RUNX2: variants seen among roughly 807,000 people sequenced by gnomAD.
RUNX2 encodes runt-related transcription factor 2.
Under a neutral mutation model 51.7 loss-of-function variants are expected in RUNX2, and 10 were observed. The observed-to-expected ratio is 0.19, with a 90% confidence interval of 0.12 to 0.33. RUNX2 has a LOEUF of 0.33. Among genes scored for constraint, RUNX2 ranks in the 10% least tolerant of loss-of-function variants. The pLI is 1.00. For synonymous variants in RUNX2, 276 were observed against 273.6 expected (o/e 1.01, Z -0.09); for missense variants, 562 against 691.3 (o/e 0.81, Z 2.10).
In RUNX2 at chr6:45,422,708, ACAGCAGCAGCAGCAGCAGCAACAG is replaced by A. The variant is rs765421673; in HGVS notation, c.190_213del (p.Gln64_Gln71del). 3 of 1,583,380 alleles carry A rather than the reference ACAGCAGCAGCAGCAGCAGCAACAG, an allele frequency of 1.9e-6. No homozygotes were observed. Among genetic ancestry groups the A allele is most frequent in the Admixed American group, 3.5e-5 (2 of 57,744 alleles). On this transcript the variant is annotated inframe_deletion, in exon 3 of 9. Coordinates refer to ENST00000647337, the MANE Select transcript of RUNX2 (RefSeq NM_001024630.4). ...AGCAGCAGCAACAGCAGCAGCAGCA[ACAGCAGCAGCAGCAGCAGCAACAG>A]CAGCAGCAGCAGCAGGAGGCGGCGG...
At chr6:45,461,002 G>T (rs1799461313) in intron 5 of RUNX2, among the ~76,000 whole-genome samples, 1 of 152,170 alleles carries the variant, frequency 6.6e-6, no homozygotes, top group Admixed American at 6.5e-5. Flanking sequence ...GAGGAAATTA[G>T]GTCCTGAAGA....
intron 7 of RUNX2, 115 bp from the exon 8 acceptor site, chr6:45,545,102 A>G: frequency 2.4e-6 from 2 of 839,168 alleles, no homozygotes; most frequent in East Asian, 5.3e-5. Context: ...AGGGATGGGA[A>G]CCTCTCTGTC....
intron 5 of RUNX2, among the ~76,000 whole-genome samples, chr6:45,451,993 A>G (rs906684320): frequency 1.1e-4 from 16 of 152,244 alleles, no homozygotes; most frequent in Non-Finnish European, 1.9e-4. Context: ...AAATATGACC[A>G]AAAAGAGAAA....
chr6:45,446,805 A>C (rs763436184), intron 5 of RUNX2, among the ~76,000 whole-genome samples: 2 of 152,238 alleles, frequency 1.3e-5, no homozygotes, highest in South Asian at 4.1e-4. Flanking sequence ...AGGTATAAAA[A>C]ATAATTAATT....
At chr6:45,458,790 G>T (rs1799393112) in intron 5 of RUNX2, among the ~76,000 whole-genome samples, 1 of 152,240 alleles carries the variant, frequency 6.6e-6, no homozygotes, top group East Asian at 1.9e-4. Context: ...GTATGATCTG[G>T]AAACATACAG....
intron 2 of RUNX2, among the ~76,000 whole-genome samples, chr6:45,349,562 T>C (rs1020966301): frequency 9.2e-5 from 14 of 152,196 alleles, no homozygotes; most frequent in African/African-American, 3.4e-4. Context: ...GACCCAGCAG[T>C]TTAATGGTTC....
intron 2 of RUNX2, among the ~76,000 whole-genome samples, chr6:45,396,443 G>C (rs1017511138): frequency 6.6e-6 from 1 of 152,118 alleles, no homozygotes; most frequent in South Asian, 2.1e-4. Context: ...ACAACCACTA[G>C]TCTACTTTCT....
chr6:45,385,004 A>G (rs918257362), intron 2 of RUNX2, among the ~76,000 whole-genome samples: 8 of 151,990 alleles, frequency 5.3e-5, no homozygotes, highest in African/African-American at 1.9e-4. Context: ...TGCCCAGCCT[A>G]TTTTTTCTTA....
chr6:45,347,425 C>A (rs1303221633), intron 2 of RUNX2, among the ~76,000 whole-genome samples: 1 of 151,928 alleles, frequency 6.6e-6, no homozygotes. Context: ...AAAGAAATAC[C>A]TCAACATAAA....
In RUNX2 at chr6:45,546,808, C is replaced by A; in HGVS notation, c.1088-19C>A. Reference sequence around the variant, plus strand: ...GATATTTACAGATTTTTCCCTCCATCTTCTGTTATAATTTTTAGGTGCTTC... The same window carrying A: ...GATATTTACAGATTTTTCCCTCCATATTCTGTTATAATTTTTAGGTGCTTC... On this transcript the variant is annotated intron_variant, in intron 8 of 8. Coordinates refer to ENST00000647337, the MANE Select transcript of RUNX2 (RefSeq NM_001024630.4). 2 of 1,571,134 alleles carry A rather than the reference C, an allele frequency of 1.3e-6. No individual in the cohort carries two copies. Among genetic ancestry groups the A allele is most frequent in the Non-Finnish European group, 1.8e-6 (2 of 1,141,162 alleles).
intron 2 of RUNX2, among the ~76,000 whole-genome samples, chr6:45,373,885 T>C (rs1355441253): frequency 2.0e-5 from 3 of 152,208 alleles, no homozygotes; most frequent in African/African-American, 7.2e-5. Flanking sequence ...AAAAGAGAAC[T>C]GTCTTCAGTA....
rs1207005958 is a variant in RUNX2, at chr6:45,460,782, G to T, written c.685+22731G>T. ...AAGACCCCAACTCTTAAAAAAAAAA[G>T]AGTGAGTGACCCTTGACAAACCACT... On this transcript the variant is annotated intron_variant, in intron 5 of 8. Transcript: ENST00000647337. 2.7e-5 allele frequency among the ~76,000 whole-genome samples: 4 copies of T among 147,856 alleles called. No individual in the cohort carries two copies. In the East Asian group the frequency reaches 7.8e-4, roughly 29 times the overall value.
At chr6:45,509,460 C>T (rs1801077393) in intron 6 of RUNX2, among the ~76,000 whole-genome samples, 1 of 152,140 alleles carries the variant, frequency 6.6e-6, no homozygotes, top group Non-Finnish European at 1.5e-5. Context: ...GATGAGCCAC[C>T]AAGGCCTAAA....
chr6:45,330,706 C>T (rs942327078), intron 2 of RUNX2, among the ~76,000 whole-genome samples: 1 of 151,870 alleles, frequency 6.6e-6, no homozygotes, highest in Non-Finnish European at 1.5e-5. Flanking sequence ...CTAAGCAAGG[C>T]ATGGTAGTGA....
Position 45,550,268 on chromosome 6 carries a change from A to T in RUNX2, c.*2963A>T, listed in dbSNP as rs1291218705. 1 of 152,436 alleles carries T rather than the reference A, an allele frequency of 6.6e-6. No individual in the cohort carries two copies. Among genetic ancestry groups the T allele is most frequent in the African/African-American group, 2.4e-5 (1 of 41,458 alleles). 9.4% of individuals were successfully genotyped at this position (152,436 alleles called of 1,614,324 possible). On this transcript the variant is annotated 3_prime_UTR_variant, in exon 9 of 9. Coordinates refer to ENST00000647337, the MANE Select transcript of RUNX2 (RefSeq NM_001024630.4). Reference sequence around the variant, plus strand: ...ACAGGTACCACAGCTTTGGTTTTAGATTAGTGGAATAACATTCAGCCCAGA... The same window carrying T: ...ACAGGTACCACAGCTTTGGTTTTAGTTTAGTGGAATAACATTCAGCCCAGA...
intron 2 of RUNX2, among the ~76,000 whole-genome samples, chr6:45,341,769 T>C (rs1789836122): frequency 1.3e-5 from 2 of 152,216 alleles, no homozygotes; most frequent in Middle Eastern, 3.4e-3. Context: ...TATCTGGCAA[T>C]GAAGGCAAGA....
chr6:45,409,965 G>A (rs1394822736), intron 2 of RUNX2, among the ~76,000 whole-genome samples: 1 of 152,184 alleles, frequency 6.6e-6, no homozygotes, highest in Non-Finnish European at 1.5e-5. Context: ...ACTGATGAAG[G>A]AAAGAGAAAA....
intron 5 of RUNX2, 39 bp from the exon 6 acceptor site, chr6:45,491,902 T>C: frequency 6.2e-7 from 1 of 1,601,408 alleles, no homozygotes; most frequent in Non-Finnish European, 8.6e-7. Flanking sequence ...ATTGTTCAGC[T>C]AATTAATATG....
At chr6:45,531,542 C>T (rs1245321170) in intron 7 of RUNX2, among the ~76,000 whole-genome samples, 3 of 152,126 alleles carry the variant, frequency 2.0e-5, no homozygotes, top group African/African-American at 7.2e-5. Flanking sequence ...ATCACAAGGT[C>T]AAGAGATCGA....
Sources: allele counts gnomAD v4.1 joint callset (sites outside exome capture counted in the v4.1 genomes callset), GRCh38; gene constraint gnomAD v4.1.1; transcripts MANE v1.5; gene names NCBI Gene and HGNC (gene_info 2026-07-23, HGNC 2026-07-21).